Variants in NAB2 observed in about 807,000 individuals in gnomAD.
NAB2 encodes the protein NGFI-A binding protein 2.
Under a neutral mutation model 44.2 loss-of-function variants are expected in NAB2, and 9 were observed. That is an observed-to-expected ratio of 0.20 (90% CI 0.12 to 0.36). NAB2 has a LOEUF of 0.36. Among genes scored for constraint, NAB2 ranks in the 10% least tolerant of loss-of-function variants. NAB2 has a pLI of 1.00. For missense variants in NAB2, 514 were observed against 709.0 expected (o/e 0.73, Z 3.12); for synonymous variants, 342 against 291.0 (o/e 1.18, Z -1.78).
rs747548558 is a variant in NAB2 at position 57,091,968 on chromosome 12, G to T, written c.927G>T (p.Arg309=). 3 of 1,612,316 alleles carry T rather than the reference G, an allele frequency of 1.9e-6. No individual in the cohort carries two copies. The highest frequency in any genetic ancestry group is 2.7e-5 in the African/African-American group (2 of 74,992). ...TCTATGGCCGTTTCGACTCTAAGCGGCGGGAGGGCAAGCAGCTCAGCCTGC... is the reference window on the plus strand; with the variant it reads ...TCTATGGCCGTTTCGACTCTAAGCGTCGGGAGGGCAAGCAGCTCAGCCTGC... ...SIIYGRFDSK[R]REGKQLSLHE... Residue 309 remains arginine (R), a synonymous_variant, in exon 2 of 7, where the codon CGG becomes CGT. Coordinates refer to ENST00000300131, the MANE Select transcript of NAB2 (RefSeq NM_005967.4). This position sits in a 1 kb window ranked among gnomAD's most constrained non-coding sequence, Gnocchi z 7.3.
chr12:57,089,251 C>A lies in NAB2; in HGVS notation c.-21C>A. Reference sequence around the variant, plus strand: ...AGCGCCGGGCACCGAGAAGGGCAGCCCGGGTGATCTCCGGCCGTCCATGCA... The same window carrying A: ...AGCGCCGGGCACCGAGAAGGGCAGCACGGGTGATCTCCGGCCGTCCATGCA... On this transcript the variant is annotated 5_prime_UTR_variant, in exon 1 of 7. Transcript: ENST00000300131. 2 of 1,563,410 alleles carry A rather than the reference C, an allele frequency of 1.3e-6. No homozygotes were observed. The highest frequency in any genetic ancestry group is 1.7e-6 in the Non-Finnish European group (2 of 1,154,252).
At chr12:57,089,747 C>T (rs1555172925) in intron 1 of NAB2, among the ~76,000 whole-genome samples, 1 of 30,980 alleles carries the variant, frequency 3.2e-5, no homozygotes, top group East Asian at 5.7e-4. Flanking sequence ...GCCCCCGGTG[C>T]CTTTGAGTTA....
At position 57,095,410 on chromosome 12, in the gene NAB2, T is replaced by C. The variant is rs1444858385; in HGVS notation, c.*689T>C. 6.5e-6 allele frequency: 1 copy of C among 152,716 alleles called. No homozygotes were observed. Among genetic ancestry groups the C allele is most frequent in the Non-Finnish European group, 1.5e-5 (1 of 68,104 alleles). 9.5% of individuals were successfully genotyped at this position (152,716 alleles called of 1,614,324 possible). ...TCTGAGCAGTTAGAGCGTCTTTCTTTTCAGATTGTGTACAGTAGATTATTT... is the reference window on the plus strand; with the variant it reads ...TCTGAGCAGTTAGAGCGTCTTTCTTCTCAGATTGTGTACAGTAGATTATTT... On this transcript the variant is annotated 3_prime_UTR_variant, in exon 7 of 7. Transcript: ENST00000300131.
chr12:57,094,369 G>A (rs943865199), intron 6 of NAB2, among the ~76,000 whole-genome samples: 3 of 151,888 alleles, frequency 2.0e-5, no homozygotes, highest in South Asian at 4.2e-4. Context: ...CGCAACCGAG[G>A]AGGCGGGAGA....
chr12:57,092,326 A>G, intron 2 of NAB2, 122 bp from the exon 3 acceptor site: 3 of 1,426,318 alleles, frequency 2.1e-6, no homozygotes, highest in East Asian at 2.3e-5. Context: ...TGTAGTGTCA[A>G]AACCAAAGCA....
In NAB2 at chr12:57,094,617, G is replaced by A; in HGVS notation, c.1474G>A (p.Glu492Lys). 1.9e-6 allele frequency: 3 copies of A among 1,552,632 alleles called. No individual in the cohort carries two copies. Among genetic ancestry groups the A allele is most frequent in the Non-Finnish European group, 1.7e-6 (2 of 1,147,558 alleles). The change falls in exon 7 of 7, where the codon GAG becomes AAG. Residue 492 changes from glutamate (E) to lysine (K), a missense_variant. Physicochemically the swap from Glu to Lys is moderately conservative, Grantham distance 56. This residue lies in a region of NAB2 where 194 missense variants were observed against 223.9 expected (regional missense o/e 0.87). Coordinates refer to ENST00000300131, the MANE Select transcript of NAB2 (RefSeq NM_005967.4). ...VPAKPPLAEFEEGLLDRCPAP... is the reference protein window; with the variant it reads ...VPAKPPLAEFKEGLLDRCPAP... Reference sequence around the variant, plus strand: ...CTGCCCCCTTTTCCCTGCAGAGTTCGAGGAAGGGCTGCTGGACAGATGTCC... The same window carrying A: ...CTGCCCCCTTTTCCCTGCAGAGTTCAAGGAAGGGCTGCTGGACAGATGTCC...
Position 57,092,522 on chromosome 12 carries a change from C to A in NAB2, c.1032C>A (p.Phe344Leu). The change falls in exon 3 of 7, where the codon TTC becomes TTA. Residue 344 changes from phenylalanine to leucine, a missense_variant. This residue lies in a region of NAB2 where 53 missense variants were observed against 108.5 expected (regional missense o/e 0.49). Transcript: ENST00000300131. ...TCTTATTACGGAGAGTGGAGCTCTT[C>A]TCTTTGTCCCGCCAAGTAGCCCGAG... The part of the protein sequence containing the change: ...NTLLLRRVEL[F>L]SLSRQVARES... 1 of 1,614,198 alleles carries A rather than the reference C, an allele frequency of 6.2e-7. No individual in the cohort carries two copies. Among genetic ancestry groups the A allele is most frequent in the Non-Finnish European group, 8.5e-7 (1 of 1,180,038 alleles).
At position 57,092,477 on chromosome 12, in the gene NAB2, C is replaced by T. The variant is rs1461986075; in HGVS notation, c.987C>T (p.Phe329=). 1 of 1,614,218 alleles carries T rather than the reference C, an allele frequency of 6.2e-7. No homozygotes were observed. The highest frequency in any genetic ancestry group is 1.7e-5 in the Admixed American group (1 of 60,024). The part of the protein sequence containing the change: ...ELTINEAAAQ[F]CMRDNTLLLR... The stretch of plus-strand genomic sequence containing the variant: ...CCATCAACGAGGCTGCTGCCCAGTT[C>T]TGCATGAGGGACAACACGCTCTTAT... The change falls in exon 3 of 7, where the codon TTC becomes TTT. Residue 329 remains phenylalanine (F), a synonymous_variant. Coordinates refer to ENST00000300131, the MANE Select transcript of NAB2 (RefSeq NM_005967.4).
chr12:57,094,707 G>C lies in NAB2; in HGVS notation c.1564G>C (p.Ala522Pro). The change falls in exon 7 of 7, where the codon GCC becomes CCC. Residue 522 changes from alanine (A) to proline (P), a missense_variant. Physicochemically the swap from Ala to Pro is conservative, Grantham distance 27. Coordinates refer to ENST00000300131, the MANE Select transcript of NAB2 (RefSeq NM_005967.4). ...GAGCAGCGTGAAAGTGGAGGCTGAG[G>C]CCAGCCGGCAGTGAGGGTTGGACTG... The part of the protein sequence containing the change: ...RRSSVKVEAE[A>P]SRQ 6.4e-7 allele frequency: 1 copy of C among 1,552,592 alleles called. No individual in the cohort carries two copies. Among genetic ancestry groups the C allele is most frequent in the Non-Finnish European group, 8.7e-7 (1 of 1,147,980 alleles).
At position 57,093,581 on chromosome 12, in the gene NAB2, C is replaced by T. The variant is rs375991040; in HGVS notation, c.1451C>T (p.Ala484Val). 144 of 1,519,898 alleles carry T rather than the reference C, an allele frequency of 9.5e-5. No homozygotes were observed. In the African/African-American group the frequency reaches 1.5e-3, roughly 15 times the overall value. The allele number at this position is 1,519,898 out of a possible 1,614,324, so 94.2% of individuals were successfully genotyped here. A position where few individuals can be genotyped will look rare whatever the true frequency, so the allele number is the denominator to read the frequency against. ...GGCCGCCTCAGCCCCTGTGTGCCTG[C>T]GAAGCCACCTCTCGCAGGTGAGGCA... ...RVGRLSPCVP[A>V]KPPLAEFEEG... Residue 484 changes from alanine (A) to valine (V), a missense_variant, in exon 6 of 7, where the codon GCG becomes GTG. Physicochemically the swap from Ala to Val is moderately conservative, Grantham distance 64. Coordinates refer to ENST00000300131, the MANE Select transcript of NAB2 (RefSeq NM_005967.4).
In NAB2 at chr12:57,094,855, A is replaced by G. The variant is rs917584142; in HGVS notation, c.*134A>G. 5 of 697,576 alleles carry G rather than the reference A, an allele frequency of 7.2e-6. No individual in the cohort carries two copies. The African/African-American group carries it at 8.9e-5, about 12-fold the overall frequency. 43.2% of individuals were successfully genotyped at this position (697,576 alleles called of 1,614,324 possible). A position where few individuals can be genotyped will look rare whatever the true frequency, so the allele number is the denominator to read the frequency against. ...CTTCTCCTGCCTCCCCACCTGCTCC[A>G]TGGGCATAAGACTGTGGGGCTTCAA... is the stretch of plus-strand genomic sequence containing the variant. On this transcript the variant is annotated 3_prime_UTR_variant, in exon 7 of 7. Coordinates refer to ENST00000300131, the MANE Select transcript of NAB2 (RefSeq NM_005967.4).
At chr12:57,092,237 A>G in intron 2 of NAB2, 1 of 996,092 alleles carries the variant, frequency 1.0e-6, no homozygotes, top group Admixed American at 2.9e-5. Flanking sequence ...TCAGGACCCC[A>G]CAGGAGAGGA....
chr12:57,092,151 G>T, intron 2 of NAB2, 153 bp downstream of exon 2: 1 of 1,325,822 alleles, frequency 7.5e-7, no homozygotes, highest in Non-Finnish European at 1.0e-6. Context: ...CTACCCCAGC[G>T]GCCGCAGTGC....
At chr12:57,092,133 A>C in intron 2 of NAB2, 135 bp downstream of exon 2, 6 of 1,385,658 alleles carry the variant, frequency 4.3e-6, no homozygotes, top group Non-Finnish European at 4.7e-6. Flanking sequence ...CCCCTCCCCA[A>C]CAGGCCCCTA....
chr12:57,092,304 A>G, intron 2 of NAB2, 144 bp from the exon 3 acceptor site: 1 of 1,269,896 alleles, frequency 7.9e-7, no homozygotes. Flanking sequence ...TTCCCACCTC[A>G]GAAAGCTCCC....
chr12:57,090,476 C>CAAAT (rs71446599), intron 1 of NAB2, among the ~76,000 whole-genome samples: 30,170 of 150,396 alleles, frequency 0.2, 3,200 homozygotes, highest in Middle Eastern at 0.27. Flanking sequence ...GACTCCGTCT[C>CAAAT]AAATAAATAA....
chr12:57,093,168 G>T lies in NAB2; in HGVS notation c.1249G>T (p.Gly417Trp). Reference protein sequence around the residue: ...SLEEDSASLSGESLDGHLQAV... With the variant: ...SLEEDSASLSWESLDGHLQAV... The stretch of plus-strand genomic sequence containing the variant: ...GGAGGAGGACAGCGCCAGCCTGTCT[G>T]GGGAGAGTCTGGATGGACATTTGCA... Residue 417 changes from glycine (G) to tryptophan (W), a missense_variant, in exon 5 of 7, where the codon GGG becomes TGG. Gly to Trp is a radical substitution (Grantham distance 184). This residue lies in a region of NAB2 where 194 missense variants were observed against 223.9 expected (regional missense o/e 0.87). Coordinates refer to ENST00000300131, the MANE Select transcript of NAB2 (RefSeq NM_005967.4). 6.2e-7 allele frequency: 1 copy of T among 1,611,946 alleles called. No homozygotes were observed. The highest frequency in any genetic ancestry group is 1.7e-5 in the Admixed American group (1 of 59,944).
In NAB2 at chr12:57,091,867, C is replaced by T. The variant is rs768207797; in HGVS notation, c.826C>T (p.Arg276Trp). The T allele has an allele frequency of 4.3e-6, 7 of 1,614,162 alleles. No individual in the cohort carries two copies. The highest frequency in any genetic ancestry group is 1.7e-5 in the Admixed American group (1 of 60,032). ...SLLKLNKKLA[R>W]SVGHIFEMDD... ...GCTAAAGCTGAATAAGAAGCTGGCA[C>T]GGAGCGTTGGGCACATCTTTGAGAT... Residue 276 changes from arginine to tryptophan, a missense_variant, in exon 2 of 7, where the codon CGG becomes TGG. Physicochemically the swap from Arg to Trp is moderately radical, Grantham distance 101. Coordinates refer to ENST00000300131, the MANE Select transcript of NAB2 (RefSeq NM_005967.4). This position sits in a 1 kb window ranked among gnomAD's most constrained non-coding sequence, Gnocchi z 7.3.
Position 57,091,711 on chromosome 12 carries a change from G to C in NAB2, c.670G>C (p.Gly224Arg). The change falls in exon 2 of 7, where the codon GGG becomes CGG. Residue 224 changes from glycine to arginine, a missense_variant. Physicochemically the swap from Gly to Arg is moderately radical, Grantham distance 125. Coordinates refer to ENST00000300131, the MANE Select transcript of NAB2 (RefSeq NM_005967.4). This position sits in a 1 kb window ranked among gnomAD's most constrained non-coding sequence, Gnocchi z 7.3. ...GGVPEGTGAG[G>R]LAAGGTGGGP... Reference sequence around the variant, plus strand: ...AGTCCCTGAGGGGACTGGGGCTGGGGGGCTGGCAGCAGGTGGGACTGGGGG... The same window carrying C: ...AGTCCCTGAGGGGACTGGGGCTGGGCGGCTGGCAGCAGGTGGGACTGGGGG... 6.2e-7 allele frequency: 1 copy of C among 1,613,894 alleles called. No homozygotes were observed. The highest frequency in any genetic ancestry group is 8.5e-7 in the Non-Finnish European group (1 of 1,179,834).
Sources: gnomAD v4.1 joint callset for allele counts (sites outside exome capture counted in the v4.1 genomes callset) on GRCh38, gnomAD v4.1.1 for gene constraint, gnomAD v4.1.1 regional missense constraint, Gnocchi (gnomAD v3.1) non-coding constraint, MANE v1.5 for transcripts, NCBI Gene and HGNC (gene_info 2026-07-23, HGNC 2026-07-21) for gene names.